BCAP31: variants seen among roughly 807,000 people sequenced by gnomAD.
The protein encoded by BCAP31 is B cell receptor associated protein 31.
For missense variants in BCAP31, 124 were observed against 193.0 expected (o/e 0.64, Z 2.12); for synonymous variants, 75 against 80.9 (o/e 0.93, Z 0.39).
chrX:153,722,094 G>C (rs142527725), intron 2 of BCAP31, among the ~76,000 whole-genome samples: 2 of 111,442 alleles, frequency 1.8e-5, no homozygotes, highest in Non-Finnish European at 3.8e-5. Context: ...ACCCTGTTAT[G>C]ATGAGATGGA....
rs984120166 is a variant in BCAP31, at chrX:153,724,297, G to A, written c.-45+37C>T. 10 of 165,201 alleles carry A rather than the reference G, an allele frequency of 6.1e-5. No individual in the cohort carries two copies. The East Asian group carries it at 2.1e-3, about 34-fold the overall frequency. 13.6% of individuals were successfully genotyped at this position (165,201 alleles called of 1,213,427 possible). Reference sequence around the variant, plus strand: ...GTCGATGGGCCGGGGAGCCTCCGCGGTCCCGGAGCCCAGCCCGGCGCGCGG... The same window carrying A: ...GTCGATGGGCCGGGGAGCCTCCGCGATCCCGGAGCCCAGCCCGGCGCGCGG... On this transcript the variant is annotated intron_variant, in intron 1 of 7. Coordinates refer to ENST00000345046, the MANE Select transcript of BCAP31 (RefSeq NM_001256447.2).
intron 4 of BCAP31, among the ~76,000 whole-genome samples, chrX:153,712,932 G>A (rs925213984): frequency 3.6e-5 from 4 of 111,950 alleles, no homozygotes; most frequent in Non-Finnish European, 7.5e-5. Context: ...CAGGCCAGGC[G>A]CGGTGGCTCA....
chrX:153,712,622 C>T (rs1405735293), intron 4 of BCAP31, among the ~76,000 whole-genome samples: 1 of 111,341 alleles, frequency 9.0e-6, no homozygotes, highest in Non-Finnish European at 1.9e-5. Flanking sequence ...CTGCCGCACT[C>T]TCCCGTGTTC....
intron 7 of BCAP31, among the ~76,000 whole-genome samples, 182 bp downstream of exon 7, chrX:153,701,825 T>C (rs1377985353): frequency 8.9e-6 from 1 of 112,978 alleles, no homozygotes; most frequent in African/African-American, 3.2e-5. Flanking sequence ...CTACATCTGC[T>C]GCCAGGCCAC....
intron 4 of BCAP31, among the ~76,000 whole-genome samples, chrX:153,714,533 G>A (rs782762523): frequency 2.7e-5 from 3 of 111,031 alleles, no homozygotes; most frequent in East Asian, 5.6e-4. Flanking sequence ...CAACTTGGTC[G>A]CAGAGAGTAC....
intron 3 of BCAP31, among the ~76,000 whole-genome samples, chrX:153,716,329 T>C (rs934674022): frequency 2.7e-5 from 3 of 109,684 alleles, no homozygotes; most frequent in African/African-American, 1.0e-4. Context: ...TTTCCCATGG[T>C]ACCCTCACCG....
intron 4 of BCAP31, among the ~76,000 whole-genome samples, chrX:153,711,577 G>T (rs1432411191): frequency 3.6e-5 from 4 of 112,299 alleles, no homozygotes; most frequent in African/African-American, 1.3e-4. Context: ...TCGCGTTCAA[G>T]AACTGAGCCT....
Position 153,715,523 on chromosome X carries a change from C to T in BCAP31, c.341+19G>A. The T allele has an allele frequency of 8.3e-7, 1 of 1,208,930 alleles. No individual in the cohort carries two copies. On this transcript the variant is annotated intron_variant, in intron 4 of 7. Coordinates refer to ENST00000345046, the MANE Select transcript of BCAP31 (RefSeq NM_001256447.2). ...CATGGCTCCTTTCACAGCACCTGCCCCCTCAACCCCCCACTCACAAGGACA... is the reference window on the plus strand; with the variant it reads ...CATGGCTCCTTTCACAGCACCTGCCTCCTCAACCCCCCACTCACAAGGACA...
intron 4 of BCAP31, among the ~76,000 whole-genome samples, chrX:153,711,959 G>A (rs1479860522): frequency 4.6e-5 from 5 of 108,966 alleles, no homozygotes; most frequent in Admixed American, 9.8e-5. Flanking sequence ...AAAATCAACA[G>A]CAACAAAAAA....
At chrX:153,717,032 ACTGTTAC>A (rs2091634112) in intron 3 of BCAP31, among the ~76,000 whole-genome samples, 1 of 112,604 alleles carries the variant, frequency 8.9e-6, no homozygotes, top group Admixed American at 9.4e-5. Context: ...GTCACATTAC[ACTGTTAC>A]CTGCTTCGTA....
intron 4 of BCAP31, 85 bp downstream of exon 4, chrX:153,715,457 G>GGGGA: frequency 8.9e-7 from 1 of 1,127,644 alleles, no homozygotes; most frequent in South Asian, 1.9e-5. Context: ...AAGTCACAGG[G>GGGGA]GGGAGACTGA....
At chrX:153,701,867 G>C in intron 7 of BCAP31, 140 bp downstream of exon 7, 1 of 530,384 alleles carries the variant, frequency 1.9e-6, no homozygotes, top group Non-Finnish European at 3.0e-6. Flanking sequence ...GTCCCACTCA[G>C]TAGGGCAGAG....
chrX:153,718,962 T>C (rs1019111765), intron 3 of BCAP31, among the ~76,000 whole-genome samples: 1 of 111,991 alleles, frequency 8.9e-6, no homozygotes, highest in Non-Finnish European at 1.9e-5. Context: ...CCTTCACTAG[T>C]ACCTGTGACT....
At chrX:153,715,804 C>T in intron 3 of BCAP31, 115 bp from the exon 4 acceptor site, 1 of 896,295 alleles carries the variant, frequency 1.1e-6, no homozygotes, top group Non-Finnish European at 1.6e-6. Flanking sequence ...TCAAATCCGC[C>T]TCCCCAGTTC....
chrX:153,700,754 G>A lies in BCAP31; in HGVS notation c.*183C>T. On this transcript the variant is annotated 3_prime_UTR_variant, in exon 8 of 8. Transcript: ENST00000345046. ...CGCATTCTGAACGTGTAGCAATCAGGTCCCCTGTAATGTGCTTGGAGAGTG... is the reference window on the plus strand; with the variant it reads ...CGCATTCTGAACGTGTAGCAATCAGATCCCCTGTAATGTGCTTGGAGAGTG... 2.3e-6 allele frequency: 1 copy of A among 426,186 alleles called. No homozygotes were observed. Among genetic ancestry groups the A allele is most frequent in the South Asian group, 4.4e-5 (1 of 22,982 alleles). 35.1% of individuals were successfully genotyped at this position (426,186 alleles called of 1,213,427 possible). A position where few individuals can be genotyped will look rare whatever the true frequency, so the allele number is the denominator to read the frequency against.
At chrX:153,721,911 AAAAC>A (rs782239768) in intron 2 of BCAP31, among the ~76,000 whole-genome samples, 3 of 110,708 alleles carry the variant, frequency 2.7e-5, no homozygotes, top group Non-Finnish European at 3.8e-5. Context: ...AATAAAAACA[AAAAC>A]AAACAAAAAA....
At chrX:153,724,261 C>T in intron 1 of BCAP31, 73 bp downstream of exon 1, 1 of 203,594 alleles carries the variant, frequency 4.9e-6, no homozygotes, top group Non-Finnish European at 9.1e-6. Context: ...CGCCGCTCGC[C>T]TCTCTCCCTC....
At chrX:153,715,840 C>G (rs1557050027) in intron 3 of BCAP31, 151 bp from the exon 4 acceptor site, 3 of 673,259 alleles carry the variant, frequency 4.5e-6, no homozygotes, top group Admixed American at 2.8e-5. Context: ...ACATACACCC[C>G]TCATGGGATG....
intron 4 of BCAP31, among the ~76,000 whole-genome samples, chrX:153,710,497 CAAG>C (rs1557048997): frequency 9.0e-6 from 1 of 111,708 alleles, no homozygotes; most frequent in Non-Finnish European, 1.9e-5. Context: ...TCACATGGGA[CAAG>C]AAGAAAGGGC....
Sources: allele counts gnomAD v4.1 joint callset (sites outside exome capture counted in the v4.1 genomes callset), GRCh38; gene constraint gnomAD v4.1.1; transcripts MANE v1.5; gene names NCBI Gene and HGNC (gene_info 2026-07-23, HGNC 2026-07-21).